The following CRACDL variants were observed in gnomAD, a reference collection of about 807,000 sequenced individuals.
CRACDL encodes the protein CRACD like, also known as CRACD-like protein.
A neutral mutation model predicts 70.6 loss-of-function variants in CRACDL; 26 were observed. The ratio of observed to expected loss-of-function variants is 0.37; its 90% CI spans 0.27 to 0.51. The LOEUF is 0.51. CRACDL is among the 20% of genes least tolerant of loss of function. CRACDL has a pLI of 0.94. For missense variants in CRACDL, 1,283 were observed against 1,376.9 expected (o/e 0.93, Z 1.08); for synonymous variants, 618 against 615.2 (o/e 1.00, Z -0.07).
At chr2:98,842,497 T>C (rs1404440464) in intron 2 of CRACDL, among the ~76,000 whole-genome samples, 3 of 152,176 alleles carry the variant, frequency 2.0e-5, no homozygotes, top group Non-Finnish European at 2.9e-5. Flanking sequence ...TTGGTGTACA[T>C]AGAGTTGTAT....
intron 1 of CRACDL, among the ~76,000 whole-genome samples, chr2:98,929,063 T>C (rs1426267652): frequency 6.6e-6 from 1 of 152,194 alleles, no homozygotes; most frequent in Non-Finnish European, 1.5e-5. Context: ...AAGCTAGTGC[T>C]GCAGATTCAA....
At chr2:98,798,772 C>A (rs6757099) in intron 7 of CRACDL, among the ~76,000 whole-genome samples, 72,025 of 151,312 alleles carry the variant, frequency 0.48, 18,260 homozygotes, top group African/African-American at 0.66. Context: ...GCTCACTGCA[C>A]CCTCCGCCTA....
At chr2:98,906,910 A>C (rs1312496451) in intron 1 of CRACDL, among the ~76,000 whole-genome samples, 2 of 152,200 alleles carry the variant, frequency 1.3e-5, no homozygotes, top group Non-Finnish European at 2.9e-5. Context: ...GGGCTAGAGC[A>C]GTCTTATTCC....
chr2:98,919,713 G>T (rs1297535574), intron 1 of CRACDL, among the ~76,000 whole-genome samples: 2 of 152,114 alleles, frequency 1.3e-5, no homozygotes, highest in Non-Finnish European at 2.9e-5. Context: ...TGGGCATGTT[G>T]TCTATTTCCA....
chr2:98,797,672 A>G (rs891757002), intron 7 of CRACDL, 135 bp from the exon 8 acceptor site: 1 of 742,806 alleles, frequency 1.3e-6, no homozygotes, highest in Non-Finnish European at 2.2e-6. Flanking sequence ...TACTTTCTTT[A>G]GGGGCTTTGT....
intron 1 of CRACDL, among the ~76,000 whole-genome samples, chr2:98,926,816 C>A (rs991735046): frequency 6.6e-6 from 1 of 152,192 alleles, no homozygotes; most frequent in African/African-American, 2.4e-5. Context: ...CTCCTTCCCA[C>A]GCCTGCAGCG....
chr2:98,905,382 A>G (rs1708386313), intron 1 of CRACDL, among the ~76,000 whole-genome samples: 1 of 152,136 alleles, frequency 6.6e-6, no homozygotes, highest in African/African-American at 2.4e-5. Flanking sequence ...CCAGAAGCAG[A>G]TGCCAGCACC....
At chr2:98,882,160 C>T (rs557699000) in intron 1 of CRACDL, among the ~76,000 whole-genome samples, 4 of 152,278 alleles carry the variant, frequency 2.6e-5, no homozygotes, top group Non-Finnish European at 4.4e-5. Flanking sequence ...CTCAGCCGGG[C>T]GACTAAAGGC....
chr2:98,932,609 ATTC>A (rs1158591584), intron 1 of CRACDL, among the ~76,000 whole-genome samples: 9 of 152,140 alleles, frequency 5.9e-5, no homozygotes, highest in African/African-American at 1.9e-4. Flanking sequence ...GCAGAAAGCC[ATTC>A]AATCCCCGCA....
rs762274527 is a variant in CRACDL, at chr2:98,796,285, T to C, written c.2605-21A>G. On this transcript the variant is annotated intron_variant, in intron 8 of 9. Coordinates refer to ENST00000397899, the MANE Select transcript of CRACDL (RefSeq NM_207362.3). ...GGCTCCTGTTGGGACATAAGACACA[T>C]GCTGCCAAGTTAACAATGATTCAGA... 66 of 1,607,174 alleles carry C rather than the reference T, an allele frequency of 4.1e-5. No individual in the cohort carries two copies. In the South Asian group the frequency reaches 6.9e-4, roughly 17 times the overall value.
chr2:98,910,521 A>AAAATAAAT (rs61614119), intron 1 of CRACDL, among the ~76,000 whole-genome samples: 11,448 of 140,690 alleles, frequency 0.081, 564 homozygotes, highest in African/African-American at 0.09. Context: ...ACTCTGTCTC[A>AAAATAAAT]AAATAAATAA....
intron 6 of CRACDL, among the ~76,000 whole-genome samples, chr2:98,824,958 T>G (rs1316541015): frequency 2.6e-5 from 4 of 152,224 alleles, no homozygotes; most frequent in African/African-American, 9.6e-5. Context: ...TGTTGAAACC[T>G]CTTTAGGATG....
chr2:98,899,193 C>T (rs1164404470), intron 1 of CRACDL, among the ~76,000 whole-genome samples: 1 of 152,234 alleles, frequency 6.6e-6, no homozygotes, highest in Non-Finnish European at 1.5e-5. Context: ...TCCCCAGACT[C>T]CAGTGAAGCA....
intron 1 of CRACDL, among the ~76,000 whole-genome samples, chr2:98,852,151 G>A (rs1183273232): frequency 6.6e-6 from 1 of 152,030 alleles, no homozygotes; most frequent in Non-Finnish European, 1.5e-5. Context: ...TCTTAGGAAG[G>A]AAAAAACTTC....
chr2:98,824,039 C>G (rs1705207315), intron 6 of CRACDL, among the ~76,000 whole-genome samples: 1 of 152,220 alleles, frequency 6.6e-6, no homozygotes. Context: ...CCCAGCCAGT[C>G]TCCCATGTCA....
At chr2:98,859,908 T>C (rs1706869709) in intron 1 of CRACDL, among the ~76,000 whole-genome samples, 1 of 152,204 alleles carries the variant, frequency 6.6e-6, no homozygotes, top group Non-Finnish European at 1.5e-5. Context: ...ATAGATAATG[T>C]TGAGGGATCC....
At position 98,837,084 on chromosome 2, in the gene CRACDL, C is replaced by CAA. The variant is rs35180684; in HGVS notation, c.239+1033_239+1034dup. ...TGGGCGACAGAGCGAGACTCCGTCT[C>CAA]AAAAAAAAAAAAAAAATGCATGCAC... On this transcript the variant is annotated intron_variant, in intron 3 of 9. Transcript: ENST00000397899. Among the ~76,000 whole-genome samples the CAA allele has an allele frequency of 1.2e-4, 14 of 118,606 alleles. No homozygotes were observed. In the East Asian group the frequency reaches 2.6e-3, roughly 22 times the overall value. 77.8% of individuals were successfully genotyped at this position (118,606 alleles called of 152,430 possible).
At chr2:98,853,232 G>A (rs888397704) in intron 1 of CRACDL, among the ~76,000 whole-genome samples, 1 of 151,956 alleles carries the variant, frequency 6.6e-6, no homozygotes, top group African/African-American at 2.4e-5. Flanking sequence ...AAGATGAAGA[G>A]GAAATCTTGA....
intron 1 of CRACDL, among the ~76,000 whole-genome samples, chr2:98,858,116 G>A (rs891962409): frequency 3.3e-5 from 5 of 152,136 alleles, no homozygotes; most frequent in African/African-American, 1.2e-4. Flanking sequence ...AGTCCTTTGA[G>A]ATGAATAAAA....
Sources: allele counts gnomAD v4.1 joint callset (sites outside exome capture counted in the v4.1 genomes callset), GRCh38; gene constraint gnomAD v4.1.1; transcripts MANE v1.5; gene names NCBI Gene and HGNC (gene_info 2026-07-23, HGNC 2026-07-21).